The following AOPEP variants were observed in gnomAD, a reference collection of about 807,000 sequenced individuals.
AOPEP encodes aminopeptidase O.
In AOPEP, 77 loss-of-function variants were observed where a neutral mutation model predicts 98.1. The observed-to-expected ratio is 0.78, with a 90% CI of 0.65 to 0.95. The LOEUF is 0.95. Ranked by LOEUF, AOPEP falls within the 40% of genes least tolerant of loss-of-function variation. The probability of loss-of-function intolerance (pLI) is 0.00; values close to 1 mark genes in which losing one functional copy is unlikely to be tolerated. For synonymous variants in AOPEP, 346 were observed against 365.3 expected (o/e 0.95, Z 0.60); for missense variants, 1,024 against 1,024.7 (o/e 1.00, Z 0.01).
the AOPEP span, chr9:95,111,706 C>CT: frequency 5.7e-6 from 9 of 1,590,828 alleles, no homozygotes; most frequent in Non-Finnish European, 7.8e-6. Context: ...TTTAAAGCAA[C>CT]TTTAACGTTT....
intron 14 of AOPEP, among the ~76,000 whole-genome samples, chr9:95,073,510 C>T (rs908773407): frequency 2.0e-4 from 30 of 151,514 alleles, no homozygotes; most frequent in African/African-American, 7.0e-4. Context: ...GCAGGCCGGG[C>T]GCGGGGGCTC....
intron 1 of AOPEP, among the ~76,000 whole-genome samples, chr9:94,736,322 T>A (rs1831761636): frequency 6.6e-6 from 1 of 152,048 alleles, no homozygotes; most frequent in African/African-American, 2.4e-5. Flanking sequence ...GCAGAACATT[T>A]GATATTGAAA....
chr9:94,995,359 T>A (rs1168425817), intron 11 of AOPEP, among the ~76,000 whole-genome samples: 2 of 152,214 alleles, frequency 1.3e-5, no homozygotes, highest in African/African-American at 2.4e-5. Flanking sequence ...GTGCACCATC[T>A]CATTTTATCC....
At chr9:95,024,169 A>G (rs1010269106) in intron 13 of AOPEP, among the ~76,000 whole-genome samples, 2 of 152,196 alleles carry the variant, frequency 1.3e-5, no homozygotes, top group African/African-American at 4.8e-5. Context: ...TCTATCATCC[A>G]GGCAGGTTGT....
intron 1 of AOPEP, among the ~76,000 whole-genome samples, chr9:94,734,286 T>A (rs1472275496): frequency 1.3e-5 from 2 of 152,152 alleles, no homozygotes; most frequent in African/African-American, 4.8e-5. Context: ...TTGCCCTTCC[T>A]ACAGTTTTTC....
chr9:94,970,267 G>C (rs1482334645), intron 10 of AOPEP, among the ~76,000 whole-genome samples: 1 of 152,026 alleles, frequency 6.6e-6, no homozygotes, highest in East Asian at 1.9e-4. Flanking sequence ...AGGGCAGCCG[G>C]GACATCAGTC....
At chr9:94,749,409 CT>C (rs1414899977) in intron 1 of AOPEP, among the ~76,000 whole-genome samples, 2 of 152,106 alleles carry the variant, frequency 1.3e-5, no homozygotes, top group African/African-American at 4.8e-5. Flanking sequence ...GGGCTGTTTC[CT>C]TTTGTTGGAA....
intron 2 of AOPEP, among the ~76,000 whole-genome samples, chr9:94,765,015 T>C (rs564279118): frequency 6.6e-6 from 1 of 152,208 alleles, no homozygotes; most frequent in African/African-American, 2.4e-5. Flanking sequence ...TGTGGCAGGG[T>C]TCTCTGGAGA....
At chr9:94,901,093 AT>A (rs1554762865) in intron 5 of AOPEP, among the ~76,000 whole-genome samples, 2 of 6,898 alleles carry the variant, frequency 2.9e-4, no homozygotes, top group Non-Finnish European at 7.6e-3. Flanking sequence ...AATATGAAAC[AT>A]CATTTCAGTA....
chr9:95,072,024 G>T (rs1224022705), intron 14 of AOPEP, among the ~76,000 whole-genome samples: 1 of 152,154 alleles, frequency 6.6e-6, no homozygotes, highest in Non-Finnish European at 1.5e-5. Flanking sequence ...TTCACCTTTT[G>T]CCTCATCTCT....
chr9:94,990,992 GC>G (rs1168451310), intron 11 of AOPEP, among the ~76,000 whole-genome samples: 2 of 152,254 alleles, frequency 1.3e-5, no homozygotes, highest in Non-Finnish European at 2.9e-5. Flanking sequence ...GCCCGGCAAA[GC>G]AGTAGTTGAG....
chr9:94,860,056 G>A (rs1332529253), intron 5 of AOPEP, among the ~76,000 whole-genome samples: 3 of 152,304 alleles, frequency 2.0e-5, no homozygotes, highest in African/African-American at 7.2e-5. Context: ...AGTCCTGTGT[G>A]GGAGGAATGC....
chr9:94,855,022 C>T (rs976656143), intron 5 of AOPEP, among the ~76,000 whole-genome samples: 8 of 152,138 alleles, frequency 5.3e-5, no homozygotes, highest in African/African-American at 1.9e-4. Flanking sequence ...CAGTATCATC[C>T]TGCTCATAGA....
intron 4 of AOPEP, among the ~76,000 whole-genome samples, chr9:94,800,549 A>G (rs140254997): frequency 1.6e-4 from 24 of 152,330 alleles, no homozygotes; most frequent in Non-Finnish European, 2.5e-4. Flanking sequence ...AAGCTAGTCT[A>G]TTGATTCAAA....
intron 16 of AOPEP, chr9:95,085,103 A>G: frequency 7.8e-6 from 3 of 383,886 alleles, no homozygotes; most frequent in South Asian, 5.9e-5. Flanking sequence ...AACAACAAAC[A>G]GAAACTCCAC....
intron 9 of AOPEP, among the ~76,000 whole-genome samples, chr9:94,962,508 A>G (rs1029923317): frequency 6.6e-6 from 1 of 152,162 alleles, no homozygotes; most frequent in African/African-American, 2.4e-5. Context: ...ATCTTCTTGA[A>G]GTTTATGCCA....
rs532715173 is a variant in AOPEP at position 94,797,204 on chromosome 9, C to T, written c.1119-3553C>T. Among the ~76,000 whole-genome samples the T allele has an allele frequency of 1.1e-4, 17 of 152,260 alleles. No individual in the cohort carries two copies. In the East Asian group the frequency reaches 2.1e-3, roughly 19 times the overall value. ...ATCCCAGCAATTTGGGAGGCCAAGGCGGGCGGATCACGAGGTCGGGAGATC... is the reference window on the plus strand; with the variant it reads ...ATCCCAGCAATTTGGGAGGCCAAGGTGGGCGGATCACGAGGTCGGGAGATC... On this transcript the variant is annotated intron_variant, in intron 4 of 16. Coordinates refer to ENST00000375315, the MANE Select transcript of AOPEP (RefSeq NM_001193329.3).
intron 5 of AOPEP, among the ~76,000 whole-genome samples, chr9:94,809,135 G>A (rs1377260848): frequency 6.6e-6 from 1 of 152,168 alleles, no homozygotes; most frequent in Non-Finnish European, 1.5e-5. Flanking sequence ...AATCTAAATT[G>A]GGAGTTTCTA....
chr9:94,740,330 G>A (rs754513047), intron 1 of AOPEP, among the ~76,000 whole-genome samples: 12 of 152,134 alleles, frequency 7.9e-5, no homozygotes, highest in Non-Finnish European at 1.5e-4. Context: ...GTGGACTGTG[G>A]ATTGGTTGGT....
Sources: allele counts gnomAD v4.1 joint callset (sites outside exome capture counted in the v4.1 genomes callset), GRCh38; gene constraint gnomAD v4.1.1; transcripts MANE v1.5; gene names NCBI Gene and HGNC (gene_info 2026-07-23, HGNC 2026-07-21).